TCF3: variants seen among roughly 807,000 people sequenced by gnomAD.
The protein encoded by TCF3 is transcription factor 3.
A neutral mutation model predicts 72.3 loss-of-function variants in TCF3; 54 were observed. That is an observed-to-expected ratio of 0.75 (90% confidence interval 0.60 to 0.94). The LOEUF (loss-of-function observed/expected upper bound fraction) is 0.94, where lower values mean the gene tolerates loss of function less well. TCF3 is among the 40% of genes least tolerant of loss of function. The pLI is 0.00. For missense variants in TCF3, 1,078 were observed against 934.4 expected, an observed-to-expected ratio of 1.15 and a Z score of -2.00; for synonymous variants, 525 against 412.6, an observed-to-expected ratio of 1.27 and a Z score of -3.30.
intron 3 of TCF3, among the ~76,000 whole-genome samples, chr19:1,639,751 GAAAAAAAAAAA>G (rs10674333): frequency 5.5e-5 from 3 of 54,210 alleles, no homozygotes; most frequent in African/African-American, 1.5e-4. Flanking sequence ...AGGAAATTAG[GAAAAAAAAAAA>G]AAAAAAAAAA....
Position 1,615,449 on chromosome 19 carries a change from G to A in TCF3, c.1658C>T (p.Ala553Val). ...CCGCAGCCGCTCCCGGGCGTTATTGGCCACCCGGCGCTCCTTCTCCCGCTC... is the reference window on the plus strand; with the variant it reads ...CCGCAGCCGCTCCCGGGCGTTATTGACCACCCGGCGCTCCTTCTCCCGCTC... ...KAEREKERRV[A>V]NNARERLRVR... The change falls in exon 18 of 19, where the codon GCC becomes GTC. Residue 553 changes from alanine to valine, a missense_variant. Ala to Val is a moderately conservative substitution (Grantham distance 64, BLOSUM62 0). Transcript: ENST00000262965. The surrounding 1 kb of genome is among the most constrained non-coding windows in gnomAD (Gnocchi z 7.3). 1 of 1,613,124 alleles carries A rather than the reference G, an allele frequency of 6.2e-7. No homozygotes were observed. The highest frequency in any genetic ancestry group is 1.3e-5 in the African/African-American group (1 of 75,044).
intron 1 of TCF3, chr19:1,650,554 C>A (rs772058802): frequency 1.4e-5 from 5 of 362,246 alleles, no homozygotes; most frequent in African/African-American, 2.1e-5. Flanking sequence ...ATATAAACTC[C>A]CTAACTCCCC....
intron 18 of TCF3, among the ~76,000 whole-genome samples, chr19:1,613,513 A>G (rs1231564806): frequency 2.0e-5 from 3 of 152,102 alleles, no homozygotes; most frequent in Non-Finnish European, 1.5e-5. Context: ...TTCCCTCCCA[A>G]GATGATGACT....
At chr19:1,630,017 C>CG (rs778006686) in intron 5 of TCF3, among the ~76,000 whole-genome samples, 54 of 152,270 alleles carry the variant, frequency 3.5e-4, no homozygotes, top group Non-Finnish European at 6.9e-4. Context: ...AAAAGCCCCC[C>CG]GTGCCTCCCC....
chr19:1,623,923 G>A (rs550252386), intron 8 of TCF3, 28 bp downstream of exon 8: 1 of 1,611,874 alleles, frequency 6.2e-7, no homozygotes, highest in Admixed American at 1.7e-5. Flanking sequence ...GACGAGCTGT[G>A]GGGTCCCTTC....
chr19:1,645,705 A>G (rs2065985078), intron 3 of TCF3, among the ~76,000 whole-genome samples: 1 of 151,690 alleles, frequency 6.6e-6, no homozygotes, highest in African/African-American at 2.4e-5. Context: ...TTTTCAGGCC[A>G]CCCCCAGGAC....
chr19:1,636,348 CG>C (rs2064404768), intron 3 of TCF3, among the ~76,000 whole-genome samples: 1 of 152,012 alleles, frequency 6.6e-6, no homozygotes, highest in Non-Finnish European at 1.5e-5. Flanking sequence ...TTAGTAGAGA[CG>C]GGGTTTCATA....
At chr19:1,616,509 C>G (rs970026608) in intron 16 of TCF3, 1 of 152,072 alleles carries the variant, frequency 6.6e-6, no homozygotes, top group African/African-American at 2.4e-5. Flanking sequence ...TGGAACACTT[C>G]AGGAATGTCC....
intron 1 of TCF3, chr19:1,651,491 C>T (rs1016439650): frequency 1.8e-5 from 4 of 224,316 alleles, no homozygotes; most frequent in East Asian, 6.3e-5. Context: ...TGTGGGGTAG[C>T]TGAAACCGAT....
chr19:1,644,969 C>T (rs973041377), intron 3 of TCF3, among the ~76,000 whole-genome samples: 6 of 152,080 alleles, frequency 3.9e-5, no homozygotes, highest in African/African-American at 7.2e-5. Flanking sequence ...GGGCTGTTTC[C>T]GGGGGGCTGG....
At chr19:1,631,712 G>A (rs750296319) in intron 5 of TCF3, among the ~76,000 whole-genome samples, 6 of 152,170 alleles carry the variant, frequency 3.9e-5, no homozygotes, top group Non-Finnish European at 8.8e-5. Context: ...CCTTCCCAGC[G>A]GGCACAGGCC....
In TCF3 at chr19:1,615,698, C is replaced by A. The variant is rs756415908; in HGVS notation, c.1574G>T (p.Arg525Leu). 6.2e-7 allele frequency: 1 copy of A among 1,613,192 alleles called. No homozygotes were observed. Among genetic ancestry groups the A allele is most frequent in the Non-Finnish European group, 8.5e-7 (1 of 1,179,564 alleles). ...GGTGGGTTGGCACCTGGTCCGGGCC[C>A]GGGGGGCCTTCAGCTCCTTCTTCTC... ...EEEKKELKAPRARTSPDEDED... is the reference protein window; with the variant it reads ...EEEKKELKAPLARTSPDEDED... Residue 525 changes from arginine to leucine, a missense_variant, in exon 17 of 19, where the codon CGG (arginine) becomes CTG (leucine). Arg to Leu is a moderately radical substitution (Grantham distance 102). Coordinates refer to ENST00000262965, the MANE Select transcript of TCF3 (RefSeq NM_003200.5). The surrounding 1 kb of genome is among the most constrained non-coding windows in gnomAD (Gnocchi z 7.3).
chr19:1,631,831 A>G, intron 5 of TCF3: 1 of 1,328,000 alleles, frequency 7.5e-7, no homozygotes, highest in Non-Finnish European at 1.0e-6. Flanking sequence ...GGGGAAGCCT[A>G]GTTGCAGAGT....
intron 4 of TCF3, 60 bp downstream of exon 4, chr19:1,632,272 C>A (rs2063803541): frequency 1.3e-5 from 20 of 1,550,652 alleles, no homozygotes; most frequent in Non-Finnish European, 1.7e-5. Flanking sequence ...TCCCCACACC[C>A]CTCGCCCCCA....
At chr19:1,637,201 C>G (rs1488829386) in intron 3 of TCF3, among the ~76,000 whole-genome samples, 1 of 151,376 alleles carries the variant, frequency 6.6e-6, no homozygotes, top group Non-Finnish European at 1.5e-5. Flanking sequence ...CCAGGGGCGC[C>G]TCGCAACCTC....
intron 18 of TCF3, chr19:1,612,540 G>C (rs2061113325): frequency 9.0e-7 from 1 of 1,111,850 alleles, no homozygotes; most frequent in African/African-American, 1.5e-5. Flanking sequence ...GTGCTGGTGT[G>C]GGCAGCAGTG....
Position 1,621,808 on chromosome 19 carries a change from G to A in TCF3, c.955+30C>T, listed in dbSNP as rs779575398. The A allele has an allele frequency of 3.2e-6, 5 of 1,558,478 alleles. No individual in the cohort carries two copies. In the East Asian group the frequency reaches 6.9e-5, roughly 22 times the overall value. On this transcript the variant is annotated intron_variant, in intron 11 of 18. Transcript: ENST00000262965. ...CTGCCTGGAGCCCAGTGTCCCCTCG[G>A]AGAGGCCGCATCCCAGGGAGGGGCC...
intron 3 of TCF3, among the ~76,000 whole-genome samples, chr19:1,644,108 G>C (rs528120440): frequency 6.6e-6 from 1 of 152,360 alleles, no homozygotes; most frequent in Non-Finnish European, 1.5e-5. Context: ...CTGGGTCCTC[G>C]GAGAGGAGAA....
chr19:1,619,346 G>A lies in TCF3; in HGVS notation c.1296C>T (p.Pro432=). The change falls in exon 15 of 19, where the codon CCC becomes CCT. Residue 432 remains proline (P), a synonymous_variant. Transcript: ENST00000262965. ...HGALASGFTG[P]MSLGGRHAGL... ...CTGCGTGCCGCCCGCCCAGTGACAT[G>A]GGGCCGGTGAAACCTGAGGCCAGCG... The A allele has an allele frequency of 6.3e-7, 1 of 1,583,082 alleles. No individual in the cohort carries two copies. The highest frequency in any genetic ancestry group is 8.5e-7 in the Non-Finnish European group (1 of 1,170,902).
Sources: gnomAD v4.1 joint callset for allele counts (sites outside exome capture counted in the v4.1 genomes callset) on GRCh38, gnomAD v4.1.1 for gene constraint, Gnocchi (gnomAD v3.1) non-coding constraint, MANE v1.5 for transcripts, NCBI Gene and HGNC (gene_info 2026-07-23, HGNC 2026-07-21) for gene names.